Variants in KYNU observed in about 807,000 individuals in gnomAD.
KYNU encodes the protein kynureninase.
In KYNU, 54 loss-of-function variants were observed where a neutral mutation model predicts 59.2. The observed-to-expected ratio is 0.91, with a 90% CI of 0.73 to 1.14. KYNU has a LOEUF of 1.14. Ranked by LOEUF, KYNU falls within the 50% of genes most tolerant of loss-of-function variation. The pLI is 0.00. For missense variants in KYNU, 567 were observed against 554.4 expected, an observed-to-expected ratio of 1.02 and a Z score of -0.23; for synonymous variants, 177 against 192.0, an observed-to-expected ratio of 0.92 and a Z score of 0.65.
chr2:142,953,320 A>G (rs539571684), intron 4 of KYNU, among the ~76,000 whole-genome samples: 4 of 152,354 alleles, frequency 2.6e-5, no homozygotes, highest in African/African-American at 7.2e-5. Flanking sequence ...CAAGAATGCT[A>G]TGTGAATCTG....
At chr2:142,908,653 G>T (rs57744727) in intron 2 of KYNU, among the ~76,000 whole-genome samples, 1,532 of 122,780 alleles carry the variant, frequency 0.012, 21 homozygotes, top group African/African-American at 0.048. Flanking sequence ...TTTTTTTTTT[G>T]AGATGGAGTC....
At chr2:142,999,858 C>T (rs377124873) in intron 10 of KYNU, among the ~76,000 whole-genome samples, 1 of 152,134 alleles carries the variant, frequency 6.6e-6, no homozygotes, top group East Asian at 1.9e-4. Flanking sequence ...TAGTAATCCA[C>T]TTAAATGATT....
At chr2:142,993,081 C>T (rs576143977) in intron 10 of KYNU, among the ~76,000 whole-genome samples, 88 of 151,960 alleles carry the variant, frequency 5.8e-4, no homozygotes, top group Non-Finnish European at 1.2e-3. Context: ...TACGAATCTT[C>T]TGTAAAATGG....
chr2:143,017,276 T>G (rs1686278179), intron 10 of KYNU, among the ~76,000 whole-genome samples: 1 of 152,112 alleles, frequency 6.6e-6, no homozygotes, highest in Non-Finnish European at 1.5e-5. Context: ...GTAATGAGAT[T>G]GCTGGGTTGA....
chr2:142,984,923 G>T (rs1558959443), intron 8 of KYNU, among the ~76,000 whole-genome samples, 161 bp from the exon 9 acceptor site: 1 of 152,036 alleles, frequency 6.6e-6, no homozygotes. Flanking sequence ...CCTTCTGAAA[G>T]GGTCCTGGGA....
intron 4 of KYNU, among the ~76,000 whole-genome samples, chr2:142,934,711 G>A (rs1683328759): frequency 6.6e-6 from 1 of 152,200 alleles, no homozygotes; most frequent in Admixed American, 6.5e-5. Context: ...TGAAGAGATG[G>A]TAGTTGCCAG....
In KYNU at chr2:143,053,117, G is replaced by C. The variant is rs1687294318; in HGVS notation, c.*10945G>C. On this transcript the variant is annotated 3_prime_UTR_variant, in exon 14 of 14. Coordinates refer to ENST00000264170, the MANE Select transcript of KYNU (RefSeq NM_003937.3). ...TGGATTTCAGACTTTCATGGGGCCT[G>C]TAGCCCCTTCGTTTTGGCCAATGCC... The C allele has an allele frequency of 6.6e-6, 1 of 152,322 alleles. No individual in the cohort carries two copies. Among genetic ancestry groups the C allele is most frequent in the Non-Finnish European group, 1.5e-5 (1 of 68,118 alleles). 9.4% of individuals were successfully genotyped at this position (152,322 alleles called of 1,614,324 possible).
intron 8 of KYNU, among the ~76,000 whole-genome samples, chr2:142,981,013 G>A (rs1012378067): frequency 6.6e-6 from 1 of 152,058 alleles, no homozygotes; most frequent in South Asian, 2.1e-4. Flanking sequence ...TCACTTTGCA[G>A]TGATATTCAT....
At chr2:142,988,367 G>T (rs1685286346) in intron 10 of KYNU, among the ~76,000 whole-genome samples, 1 of 151,834 alleles carries the variant, frequency 6.6e-6, no homozygotes, top group Non-Finnish European at 1.5e-5. Flanking sequence ...TGACTTTGTA[G>T]GACATTAGTT....
chr2:142,977,476 G>A (rs1684926875), intron 8 of KYNU, among the ~76,000 whole-genome samples: 2 of 150,720 alleles, frequency 1.3e-5, no homozygotes, highest in Admixed American at 6.7e-5. Context: ...GTTTTGTCCT[G>A]CAGAAAACGT....
rs190874945 is a variant in KYNU, at chr2:143,053,334, A to C, written c.*11162A>C. On this transcript the variant is annotated 3_prime_UTR_variant, in exon 14 of 14. Coordinates refer to ENST00000264170, the MANE Select transcript of KYNU (RefSeq NM_003937.3). ...TCCCACAATCCTTGGCTTAAGGTCC[A>C]TCTTTAAGCTTTGTCTCTGATGAGA... 6.6e-6 allele frequency: 1 copy of C among 152,330 alleles called. No individual in the cohort carries two copies. Among genetic ancestry groups the C allele is most frequent in the Admixed American group, 6.5e-5 (1 of 15,292 alleles). 9.4% of individuals were successfully genotyped at this position (152,330 alleles called of 1,614,324 possible).
chr2:143,034,274 A>G (rs1354346421), intron 12 of KYNU, among the ~76,000 whole-genome samples: 1 of 152,150 alleles, frequency 6.6e-6, no homozygotes, highest in Non-Finnish European at 1.5e-5. Flanking sequence ...ACATAGAACT[A>G]TTCAAACAAG....
chr2:142,931,109 G>A (rs755259739), intron 4 of KYNU, among the ~76,000 whole-genome samples: 3 of 152,146 alleles, frequency 2.0e-5, no homozygotes, highest in African/African-American at 4.8e-5. Context: ...TCTTTCGGTC[G>A]GCTCTCTTCC....
intron 10 of KYNU, among the ~76,000 whole-genome samples, chr2:143,000,889 C>T (rs558536279): frequency 3.5e-4 from 53 of 152,240 alleles, no homozygotes; most frequent in Middle Eastern, 3.4e-3. Context: ...GTATAATCAG[C>T]ATTCACCCTC....
At position 143,044,267 on chromosome 2, in the gene KYNU, G is replaced by A. The variant is rs1172301115; in HGVS notation, c.*2095G>A. 6.6e-6 allele frequency: 1 copy of A among 152,000 alleles called. No individual in the cohort carries two copies. The highest frequency in any genetic ancestry group is 1.5e-5 in the Non-Finnish European group (1 of 68,010). 9.4% of individuals were successfully genotyped at this position (152,000 alleles called of 1,614,324 possible). ...CCATTTGAGTTGGTTCCAAGTCTTC[G>A]CTATTGTGAATAGTGCTGCAATGAA... is the stretch of plus-strand genomic sequence containing the variant. On this transcript the variant is annotated 3_prime_UTR_variant, in exon 14 of 14. Transcript: ENST00000264170.
intron 1 of KYNU, chr2:142,879,697 C>A (rs1045740581): frequency 6.6e-6 from 1 of 152,172 alleles, no homozygotes; most frequent in Non-Finnish European, 1.5e-5. Flanking sequence ...CTCTGCTATC[C>A]TTTTAGTCCA....
intron 2 of KYNU, among the ~76,000 whole-genome samples, chr2:142,897,133 A>G (rs966218859): frequency 1.3e-5 from 2 of 152,218 alleles, no homozygotes; most frequent in African/African-American, 2.4e-5. Context: ...AACATTTGTT[A>G]AGGTTTGTTT....
At chr2:142,883,011 T>G (rs146652308) in intron 1 of KYNU, among the ~76,000 whole-genome samples, 218 of 152,268 alleles carry the variant, frequency 1.4e-3, no homozygotes, top group African/African-American at 5.0e-3. Flanking sequence ...GACTTTTTAA[T>G]GATCGCCATT....
At chr2:142,901,292 G>A (rs1222287601) in intron 2 of KYNU, among the ~76,000 whole-genome samples, 1 of 151,848 alleles carries the variant, frequency 6.6e-6, no homozygotes, top group East Asian at 1.9e-4. Flanking sequence ...TTCCTTTTTC[G>A]GTGGCTAGCC....
Sources: allele counts gnomAD v4.1 joint callset (sites outside exome capture counted in the v4.1 genomes callset), GRCh38; gene constraint gnomAD v4.1.1; transcripts MANE v1.5; gene names NCBI Gene and HGNC (gene_info 2026-07-23, HGNC 2026-07-21).